MIGA1: variants seen among roughly 807,000 people sequenced by gnomAD.
MIGA1 encodes family with sequence similarity 73, member A.
Under a neutral mutation model 82.0 loss-of-function variants are expected in MIGA1, and 58 were observed. That is an observed-to-expected ratio of 0.71 (90% CI 0.57 to 0.88). The LOEUF (loss-of-function observed/expected upper bound fraction) is 0.88. Ranked by LOEUF, MIGA1 falls within the 40% of genes least tolerant of loss-of-function variation. The pLI is 0.00. For synonymous variants in MIGA1, 249 were observed against 253.6 expected, an observed-to-expected ratio of 0.98 and a Z score of 0.17; for missense variants, 751 against 749.1, an observed-to-expected ratio of 1.00 and a Z score of -0.03.
At chr1:77,809,107 AAACAACAACAAC>A (rs202191692) in intron 5 of MIGA1, among the ~76,000 whole-genome samples, 4 of 151,468 alleles carry the variant, frequency 2.6e-5, no homozygotes, top group South Asian at 2.1e-4. Context: ...CGTTTTCTTA[AAACAACAACAAC>A]AACAACAACA....
At position 77,878,818 on chromosome 1, in the gene MIGA1, C is replaced by A; in HGVS notation, c.*3754C>A. 1 of 383,500 alleles carries A rather than the reference C, an allele frequency of 2.6e-6. No homozygotes were observed. Among genetic ancestry groups the A allele is most frequent in the South Asian group, 1.3e-4 (1 of 7,678 alleles). 23.8% of individuals were successfully genotyped at this position (383,500 alleles called of 1,614,324 possible). A position where few individuals can be genotyped will look rare whatever the true frequency, so the allele number is the denominator to read the frequency against. On this transcript the variant is annotated 3_prime_UTR_variant, in exon 16 of 16. Coordinates refer to ENST00000370791, the MANE Select transcript of MIGA1 (RefSeq NM_198549.4). The stretch of plus-strand genomic sequence containing the variant: ...TCTTTTAAAAAAGAAGACAAGTTTT[C>A]CATACTGTCACAGTAAGCTCCAAAG...
chr1:77,856,098 A>G (rs1489428413), intron 8 of MIGA1, among the ~76,000 whole-genome samples: 2 of 152,178 alleles, frequency 1.3e-5, no homozygotes, highest in Non-Finnish European at 2.9e-5. Context: ...AGTTCTAATC[A>G]TAAAGGGATG....
At chr1:77,813,596 A>C (rs1261452948) in intron 5 of MIGA1, 138 bp from the exon 6 acceptor site, 22 of 928,544 alleles carry the variant, frequency 2.4e-5, no homozygotes, top group Non-Finnish European at 3.2e-5. Flanking sequence ...AGATTCTGTC[A>C]TGAAATGATG....
At chr1:77,859,843 C>T (rs1229662768) in intron 10 of MIGA1, 197 bp from the exon 11 acceptor site, 7 of 471,520 alleles carry the variant, frequency 1.5e-5, no homozygotes, top group Non-Finnish European at 2.2e-5. Flanking sequence ...ATTTAACTCC[C>T]TTTAATCTTT....
At chr1:77,817,936 A>G (rs1683633277) in intron 7 of MIGA1, among the ~76,000 whole-genome samples, 1 of 149,806 alleles carries the variant, frequency 6.7e-6, no homozygotes, top group Admixed American at 6.7e-5. Flanking sequence ...AGAATCTGGT[A>G]GGATTTCAAG....
chr1:77,876,519 G>A lies in MIGA1; in HGVS notation c.*1455G>A, dbSNP rs1451573382. 1.3e-5 allele frequency: 2 copies of A among 152,120 alleles called. No homozygotes were observed. Among genetic ancestry groups the A allele is most frequent in the Non-Finnish European group, 2.9e-5 (2 of 68,012 alleles). 9.4% of individuals were successfully genotyped at this position (152,120 alleles called of 1,614,324 possible). ...AAGATAACATTTATTAATTAATAAA[G>A]GCAATTTAAAATTTAGTGTTATTTG... On this transcript the variant is annotated 3_prime_UTR_variant, in exon 16 of 16. Coordinates refer to ENST00000370791, the MANE Select transcript of MIGA1 (RefSeq NM_198549.4).
intron 5 of MIGA1, chr1:77,811,607 G>A: frequency 6.2e-7 from 1 of 1,612,176 alleles, no homozygotes; most frequent in African/African-American, 1.3e-5. Context: ...GTTTTCTTTT[G>A]TTCTTCTGTG....
rs1459294317 is a variant in MIGA1, at chr1:77,790,201, A to G, written c.195+6850A>G. Among the ~76,000 whole-genome samples, 3 of 152,196 alleles carry G rather than the reference A, an allele frequency of 2.0e-5. No individual in the cohort carries two copies. The East Asian group carries it at 5.8e-4, about 29-fold the overall frequency. ...TTTTATCATATGCATAGATTTATGT[A>G]ACCACAGCCTCTATCAAGATCCAGA... is the stretch of plus-strand genomic sequence containing the variant. On this transcript the variant is annotated intron_variant, in intron 2 of 15. Transcript: ENST00000370791.
chr1:77,867,376 G>A (rs1193962555), intron 14 of MIGA1, among the ~76,000 whole-genome samples: 2 of 152,210 alleles, frequency 1.3e-5, no homozygotes, highest in Non-Finnish European at 2.9e-5. Flanking sequence ...TCAGGCTGGA[G>A]TGCCGTGGCA....
In MIGA1 at chr1:77,847,735, G is replaced by GTAC; in HGVS notation, c.996+4328_996+4329insTAC. ...GGTGAAGAGGAAGTACCTAAATGCAGCTTTCGTGAAGCCAGATCTGGTATA... is the reference window on the plus strand; with the variant it reads ...GGTGAAGAGGAAGTACCTAAATGCAGTACCTTTCGTGAAGCCAGATCTGGTATA... On this transcript the variant is annotated intron_variant, in intron 8 of 15. Transcript: ENST00000370791. The GTAC allele has an allele frequency of 5.0e-6, 8 of 1,590,462 alleles. No individual in the cohort carries two copies. The South Asian group carries it at 8.9e-5, about 18-fold the overall frequency.
intron 4 of MIGA1, 79 bp downstream of exon 4, chr1:77,803,485 C>A: frequency 3.7e-6 from 2 of 545,414 alleles, no homozygotes; most frequent in Non-Finnish European, 5.7e-6. Context: ...GTGTCATATA[C>A]TTATAGTTCT....
chr1:77,844,113 A>AAAAATATATATATATAT (rs1296124524), intron 8 of MIGA1, among the ~76,000 whole-genome samples: 8 of 90,092 alleles, frequency 8.9e-5, no homozygotes, highest in African/African-American at 3.2e-4. Flanking sequence ...AAAAAAAAAA[A>AAAAATATATATATATAT]ATATATATAT....
intron 11 of MIGA1, 81 bp from the exon 12 acceptor site, chr1:77,861,143 A>G: frequency 1.1e-6 from 1 of 876,206 alleles, no homozygotes. Flanking sequence ...ATTAAGATCT[A>G]CCAGACTTAT....
At chr1:77,779,875 G>C in intron 1 of MIGA1, 139 bp downstream of exon 1, 2 of 1,426,642 alleles carry the variant, frequency 1.4e-6, no homozygotes, top group South Asian at 1.5e-5. Context: ...GGAGTGCCAG[G>C]TGGAGCGGCG....
intron 7 of MIGA1, among the ~76,000 whole-genome samples, chr1:77,827,976 T>A (rs893751814): frequency 2.0e-5 from 3 of 152,080 alleles, no homozygotes; most frequent in African/African-American, 7.2e-5. Context: ...GAGTATAGCT[T>A]GAACCCAGGA....
chr1:77,791,243 T>TA (rs757682711), intron 2 of MIGA1, among the ~76,000 whole-genome samples: 9,801 of 116,532 alleles, frequency 0.084, 359 homozygotes, highest in East Asian at 0.16. Flanking sequence ...CCCTGTCTCT[T>TA]AAAAAAAAAA....
chr1:77,861,108 T>C (rs1685439077), intron 11 of MIGA1, 116 bp from the exon 12 acceptor site: 16 of 647,254 alleles, frequency 2.5e-5, no homozygotes, highest in South Asian at 1.5e-4. Flanking sequence ...CTTTAAAATG[T>C]ATTTTAGTTC....
intron 8 of MIGA1, among the ~76,000 whole-genome samples, chr1:77,857,783 A>C (rs1406647053): frequency 5.3e-5 from 4 of 75,208 alleles, no homozygotes; most frequent in African/African-American, 2.1e-4. Flanking sequence ...ATTGTTTTTT[A>C]ATGAACTGTC....
rs915077575 is a variant in MIGA1, at chr1:77,863,906, A to C, written c.1387A>C (p.Asn463His). 1.9e-6 allele frequency: 3 copies of C among 1,559,640 alleles called. No individual in the cohort carries two copies. The highest frequency in any genetic ancestry group is 1.4e-5 in the African/African-American group (1 of 71,920). ...TAATTTAATGCAGGTGAAAAATCTA[A>C]ATTTTTATGATGTTGTTCTGGATTT... The change falls in exon 13 of 16, where the codon AAT becomes CAT. Residue 463 changes from asparagine to histidine, a missense_variant. Coordinates refer to ENST00000370791, the MANE Select transcript of MIGA1 (RefSeq NM_198549.4).
Sources: allele counts gnomAD v4.1 joint callset (sites outside exome capture counted in the v4.1 genomes callset), GRCh38; gene constraint gnomAD v4.1.1; transcripts MANE v1.5; gene names NCBI Gene and HGNC (gene_info 2026-07-23, HGNC 2026-07-21).